The following SPAG16 variants were observed in gnomAD, a reference collection of about 807,000 sequenced individuals.
SPAG16 encodes sperm-associated antigen 16 protein.
SPAG16 carries 86 observed loss-of-function variants against 80.4 expected under a neutral mutation model. That is an observed-to-expected ratio of 1.07 (90% CI 0.90 to 1.28). SPAG16 has a LOEUF of 1.28. SPAG16 is among the 50% of genes most tolerant of loss of function. The probability of loss-of-function intolerance (pLI) is 0.00; values close to 1 mark genes in which losing one functional copy is unlikely to be tolerated. For synonymous variants in SPAG16, 294 were observed against 265.9 expected (o/e 1.11, Z -1.03); for missense variants, 870 against 765.3 (o/e 1.14, Z -1.61).
chr2:214,385,541 C>A, intron 15 of SPAG16, among the ~76,000 whole-genome samples: 1 of 152,060 alleles, frequency 6.6e-6, no homozygotes, highest in East Asian at 1.9e-4. Flanking sequence ...AGGGTTATAT[C>A]TTTGTTTTAT....
chr2:214,206,933 AAATT>A (rs935480797), intron 15 of SPAG16, among the ~76,000 whole-genome samples: 8 of 152,150 alleles, frequency 5.3e-5, no homozygotes, highest in African/African-American at 1.9e-4. Context: ...TTGATGTAAA[AAATT>A]AATCTTAGAA....
chr2:213,710,172 T>A (rs1176536545), intron 10 of SPAG16, among the ~76,000 whole-genome samples: 1 of 151,940 alleles, frequency 6.6e-6, no homozygotes, highest in East Asian at 1.9e-4. Flanking sequence ...TAGTCTCAGC[T>A]ACTCGGGAGG....
At chr2:213,443,829 G>C (rs2071132906) in intron 9 of SPAG16, among the ~76,000 whole-genome samples, 1 of 152,164 alleles carries the variant, frequency 6.6e-6, no homozygotes. Context: ...TGTTTCCAGG[G>C]AGATTTTGCA....
At chr2:214,152,216 G>A (rs1404296503) in intron 15 of SPAG16, among the ~76,000 whole-genome samples, 1 of 151,936 alleles carries the variant, frequency 6.6e-6, no homozygotes, top group Admixed American at 6.6e-5. Flanking sequence ...TTGCTTTTGT[G>A]GATTTATAAA....
At chr2:213,738,611 G>A (rs2067403306) in intron 10 of SPAG16, among the ~76,000 whole-genome samples, 2 of 152,154 alleles carry the variant, frequency 1.3e-5, no homozygotes, top group African/African-American at 2.4e-5. Flanking sequence ...GGTGCCATAA[G>A]ACATTAAAAA....
intron 13 of SPAG16, among the ~76,000 whole-genome samples, chr2:214,056,057 A>G (rs190208114): frequency 1.8e-3 from 279 of 152,272 alleles, no homozygotes; most frequent in Non-Finnish European, 3.2e-3. Context: ...ACTTATGTCT[A>G]GTAATTTTCA....
chr2:213,874,144 CAGTG>C (rs1335223554), intron 11 of SPAG16, among the ~76,000 whole-genome samples: 1 of 152,020 alleles, frequency 6.6e-6, no homozygotes, highest in Non-Finnish European at 1.5e-5. Flanking sequence ...CTGGGTAAGT[CAGTG>C]AGTGAGTGGT....
At chr2:213,438,912 C>A (rs1053649407) in intron 9 of SPAG16, among the ~76,000 whole-genome samples, 2 of 152,170 alleles carry the variant, frequency 1.3e-5, no homozygotes, top group Admixed American at 6.5e-5. Context: ...TGTTAACTTT[C>A]TGTGGCGCCA....
chr2:213,492,375 C>T (rs754338796), intron 10 of SPAG16, among the ~76,000 whole-genome samples: 11 of 151,814 alleles, frequency 7.2e-5, no homozygotes, highest in Non-Finnish European at 1.0e-4. Context: ...ACAGTGAAAC[C>T]CTCTCTCTAC....
At chr2:214,229,003 A>G (rs967157495) in intron 15 of SPAG16, among the ~76,000 whole-genome samples, 1 of 151,890 alleles carries the variant, frequency 6.6e-6, no homozygotes, top group African/African-American at 2.4e-5. Context: ...AGTCAGCTGC[A>G]AAGAATTATG....
chr2:213,927,910 C>A (rs2078559874), intron 11 of SPAG16, among the ~76,000 whole-genome samples: 1 of 152,110 alleles, frequency 6.6e-6, no homozygotes, highest in African/African-American at 2.4e-5. Context: ...TTTTTACATG[C>A]ATGTTTTTGG....
rs767648099 is a variant in SPAG16, at chr2:213,949,169, G to GTTTT, written c.1400+19045_1400+19048dup. The stretch of plus-strand genomic sequence containing the variant: ...GCAGAGACACTACTTAATTACAACA[G>GTTTT]TTTTTTTTTTTTTTTTTTTTTTTTG... On this transcript the variant is annotated intron_variant, in intron 12 of 15. Coordinates refer to ENST00000331683, the MANE Select transcript of SPAG16 (RefSeq NM_024532.5). Among the ~76,000 whole-genome samples the GTTTT allele has an allele frequency of 1.6e-3, 90 of 56,734 alleles. 3 individuals are homozygous for GTTTT. The highest frequency in any genetic ancestry group is 2.5e-3 in the African/African-American group (47 of 19,162). 37.2% of individuals were successfully genotyped at this position (56,734 alleles called of 152,430 possible).
At chr2:213,295,210 T>G (rs2062449100) in intron 1 of SPAG16, among the ~76,000 whole-genome samples, 1 of 151,988 alleles carries the variant, frequency 6.6e-6, no homozygotes. Flanking sequence ...CATAACCGAG[T>G]CAGTGTAATC....
intron 11 of SPAG16, among the ~76,000 whole-genome samples, chr2:213,914,978 T>G (rs1018269577): frequency 6.6e-6 from 1 of 152,196 alleles, no homozygotes; most frequent in Admixed American, 6.5e-5. Context: ...TACCCGAGAC[T>G]AGGTATTTTA....
intron 14 of SPAG16, among the ~76,000 whole-genome samples, chr2:214,122,123 A>T (rs1227880950): frequency 6.6e-6 from 1 of 151,800 alleles, no homozygotes; most frequent in African/African-American, 2.4e-5. Context: ...ATTTTCTATA[A>T]CATAATAGTA....
intron 11 of SPAG16, among the ~76,000 whole-genome samples, chr2:213,896,284 A>T (rs931902974): frequency 1.3e-5 from 2 of 152,072 alleles, no homozygotes; most frequent in Non-Finnish European, 2.9e-5. Context: ...TTAAAAGGAC[A>T]TTATAAAAAA....
chr2:214,109,886 C>G (rs1463309996), intron 14 of SPAG16, among the ~76,000 whole-genome samples: 1 of 152,128 alleles, frequency 6.6e-6, no homozygotes, highest in East Asian at 1.9e-4. Context: ...TGGCGTATAG[C>G]TTCACATGCC....
At chr2:213,743,849 TCTC>T (rs2067691997) in intron 10 of SPAG16, among the ~76,000 whole-genome samples, 1 of 152,216 alleles carries the variant, frequency 6.6e-6, no homozygotes, top group Non-Finnish European at 1.5e-5. Context: ...TTCCCACTGT[TCTC>T]CTTTTAAACT....
Position 213,297,358 on chromosome 2 carries a change from G to A in SPAG16, c.279+1G>A, listed in dbSNP as rs771607301. ...ACAGGCTACAGATACTGAAATTTTG[G>A]TGAGAATTTGAACACTAGTGTAGTC... On this transcript the variant is annotated splice_donor_variant, in intron 3 of 15. Transcript: ENST00000331683. LOFTEE classifies it high-confidence loss of function. 5.0e-6 allele frequency: 8 copies of A among 1,595,544 alleles called. No homozygotes were observed. The highest frequency in any genetic ancestry group is 5.1e-6 in the Non-Finnish European group (6 of 1,167,570).
Sources: gnomAD v4.1 joint callset for allele counts (sites outside exome capture counted in the v4.1 genomes callset) on GRCh38, gnomAD v4.1.1 for gene constraint, MANE v1.5 for transcripts, NCBI Gene and HGNC (gene_info 2026-07-23, HGNC 2026-07-21) for gene names.